Variants in MINDY4 observed in about 807,000 individuals in gnomAD.
MINDY4 encodes probable ubiquitin carboxyl-terminal hydrolase MINDY-4.
Under a neutral mutation model 87.0 loss-of-function variants are expected in MINDY4, and 68 were observed. The observed-to-expected ratio is 0.78, with a 90% confidence interval of 0.64 to 0.96. The LOEUF is 0.96. Ranked by LOEUF, MINDY4 falls within the 40% of genes least tolerant of loss-of-function variation. The pLI, the probability that MINDY4 is intolerant of heterozygous loss-of-function variation, is 0.00. For synonymous variants in MINDY4, 379 were observed against 363.2 expected, an observed-to-expected ratio of 1.04 and a Z score of -0.50; for missense variants, 919 against 928.2, an observed-to-expected ratio of 0.99 and a Z score of 0.13.
chr7:30,810,455 TA>T (rs1280201002), intron 5 of MINDY4, among the ~76,000 whole-genome samples: 8 of 152,034 alleles, frequency 5.3e-5, no homozygotes, highest in Non-Finnish European at 1.0e-4. Flanking sequence ...ATTAAAAGGT[TA>T]AAAAAACTTT....
At chr7:30,843,582 T>C (rs533484766) in intron 9 of MINDY4, among the ~76,000 whole-genome samples, 1 of 152,166 alleles carries the variant, frequency 6.6e-6, no homozygotes, top group Non-Finnish European at 1.5e-5. Context: ...AAGGCAGACT[T>C]GGTTTTTGTT....
At chr7:30,860,988 C>T (rs1479697266) in intron 13 of MINDY4, among the ~76,000 whole-genome samples, 3 of 151,888 alleles carry the variant, frequency 2.0e-5, no homozygotes, top group Admixed American at 6.6e-5. Context: ...GATGCACATA[C>T]GTGGCCACAC....
intron 4 of MINDY4, among the ~76,000 whole-genome samples, chr7:30,787,159 A>G (rs898089093): frequency 6.6e-6 from 1 of 152,214 alleles, no homozygotes; most frequent in Non-Finnish European, 1.5e-5. Context: ...CTCTTCTATT[A>G]GACCAGCTGT....
chr7:30,858,595 C>T (rs1789651010), intron 12 of MINDY4: 1 of 151,900 alleles, frequency 6.6e-6, no homozygotes, highest in African/African-American at 2.4e-5. Context: ...TTTTAAAAAT[C>T]AGAGTTTATC....
intron 1 of MINDY4, among the ~76,000 whole-genome samples, chr7:30,771,795 G>C (rs1408187300): frequency 6.6e-6 from 1 of 152,216 alleles, no homozygotes; most frequent in Non-Finnish European, 1.5e-5. Context: ...CCCGTCCGCT[G>C]CCCTCCTGGG....
chr7:30,850,842 A>T lies in MINDY4; in HGVS notation c.1547+287A>T, dbSNP rs146218323. Among the ~76,000 whole-genome samples, 710 of 152,268 alleles carry T rather than the reference A, an allele frequency of 4.7e-3. 8 individuals carry two copies. Among genetic ancestry groups the T allele is most frequent in the Non-Finnish European group, 7.7e-3 (521 of 68,004 alleles). ...CTGAGGAGCTCTGGGGTGACCCCTC[A>T]GAGGAAGCCTCTGACCCCTGCAGCC... is the stretch of plus-strand genomic sequence containing the variant. On this transcript the variant is annotated intron_variant, in intron 10 of 17. Coordinates refer to ENST00000265299, the MANE Select transcript of MINDY4 (RefSeq NM_032222.3).
intron 9 of MINDY4, among the ~76,000 whole-genome samples, chr7:30,849,828 A>G (rs1186733383): frequency 6.6e-6 from 1 of 152,134 alleles, no homozygotes; most frequent in African/African-American, 2.4e-5. Flanking sequence ...TTTATCTTCT[A>G]TCTCCAGCTA....
intron 5 of MINDY4, 118 bp downstream of exon 5, chr7:30,791,692 GCCT>G: frequency 1.8e-6 from 2 of 1,131,704 alleles, no homozygotes; most frequent in Non-Finnish European, 2.4e-6. Context: ...CTCAGAACAA[GCCT>G]GCGAAGTAAC....
At chr7:30,860,492 G>C (rs550677724) in intron 13 of MINDY4, among the ~76,000 whole-genome samples, 1 of 152,328 alleles carries the variant, frequency 6.6e-6, no homozygotes, top group African/African-American at 2.4e-5. Flanking sequence ...CTTCTCCCCA[G>C]GACTGGGTTT....
At chr7:30,834,188 T>C (rs535195156) in intron 6 of MINDY4, among the ~76,000 whole-genome samples, 16 of 152,354 alleles carry the variant, frequency 1.1e-4, no homozygotes, top group African/African-American at 3.8e-4. Flanking sequence ...AGGTTCTCCA[T>C]GAGGGCCCCG....
chr7:30,777,794 T>C (rs1159045759), intron 1 of MINDY4, among the ~76,000 whole-genome samples: 1 of 152,228 alleles, frequency 6.6e-6, no homozygotes, highest in Non-Finnish European at 1.5e-5. Context: ...GTGGTTGTTT[T>C]TCAAATAGAG....
chr7:30,851,825 C>G (rs1410548540), intron 10 of MINDY4, among the ~76,000 whole-genome samples: 1 of 152,200 alleles, frequency 6.6e-6, no homozygotes, highest in Non-Finnish European at 1.5e-5. Flanking sequence ...CAGGGGGAGC[C>G]TCGGAGAGGA....
chr7:30,835,923 C>T (rs577198020), intron 6 of MINDY4, among the ~76,000 whole-genome samples: 1 of 152,324 alleles, frequency 6.6e-6, no homozygotes, highest in South Asian at 2.1e-4. Flanking sequence ...TCAGTTGTCC[C>T]ACTATGAGAA....
At position 30,863,469 on chromosome 7, in the gene MINDY4, C is replaced by T. The variant is rs148544537; in HGVS notation, c.1745+4145C>T. ...GTGTGAAGGGTGACTTGATTGTGTACATGTGCATGTGATTGTGATGTGTGA... is the reference window on the plus strand; with the variant it reads ...GTGTGAAGGGTGACTTGATTGTGTATATGTGCATGTGATTGTGATGTGTGA... On this transcript the variant is annotated intron_variant, in intron 13 of 17. Transcript: ENST00000265299. 1.7e-3 allele frequency among the ~76,000 whole-genome samples: 254 copies of T among 152,272 alleles called. 2 individuals carry two copies. The highest frequency in any genetic ancestry group is 0.014 in the Admixed American group (211 of 15,306).
chr7:30,787,151 C>A (rs1272152900), intron 4 of MINDY4, among the ~76,000 whole-genome samples: 1 of 152,176 alleles, frequency 6.6e-6, no homozygotes, highest in Non-Finnish European at 1.5e-5. Flanking sequence ...GCTGCAGTCT[C>A]TTCTATTAGA....
At chr7:30,856,011 A>C (rs1270002276) in intron 12 of MINDY4, among the ~76,000 whole-genome samples, 2 of 152,224 alleles carry the variant, frequency 1.3e-5, no homozygotes, top group Admixed American at 6.5e-5. Flanking sequence ...ATCTTTGCCC[A>C]AAATCAATAG....
intron 1 of MINDY4, among the ~76,000 whole-genome samples, chr7:30,772,757 G>A (rs1786682557): frequency 6.6e-6 from 1 of 152,122 alleles, no homozygotes; most frequent in South Asian, 2.1e-4. Flanking sequence ...GCCATCACCT[G>A]TCCTGGCTGC....
At chr7:30,849,454 G>C (rs982867506) in intron 9 of MINDY4, among the ~76,000 whole-genome samples, 1 of 152,178 alleles carries the variant, frequency 6.6e-6, no homozygotes, top group Non-Finnish European at 1.5e-5. Flanking sequence ...AAAGAAATAC[G>C]TATATTCGGC....
Position 30,799,782 on chromosome 7 carries a change from T to G in MINDY4, c.1073+8208T>G, listed in dbSNP as rs184810188. ...CCCTAGGGGCCAAGCCTGAGTCAGA[T>G]TCCGGTACATGTAATTTGTTGGGGG... On this transcript the variant is annotated intron_variant, in intron 5 of 17. Transcript: ENST00000265299. Among the ~76,000 whole-genome samples, 268 of 152,294 alleles carry G rather than the reference T, an allele frequency of 1.8e-3. 2 individuals carry two copies. The highest frequency in any genetic ancestry group is 3.1e-3 in the Non-Finnish European group (211 of 68,020).
Sources: gnomAD v4.1 joint callset for allele counts (sites outside exome capture counted in the v4.1 genomes callset) on GRCh38, gnomAD v4.1.1 for gene constraint, MANE v1.5 for transcripts, NCBI Gene and HGNC (gene_info 2026-07-23, HGNC 2026-07-21) for gene names.